The following PLCB1 variants were observed in gnomAD, a reference collection of about 807,000 sequenced individuals.
The protein encoded by PLCB1 is phospholipase C beta 1.
A neutral mutation model predicts 161.8 loss-of-function variants in PLCB1; 46 were observed. The ratio of observed to expected loss-of-function variants is 0.28; its 90% CI spans 0.22 to 0.36. PLCB1 has a LOEUF of 0.36. PLCB1 is among the 10% of genes least tolerant of loss of function. The pLI, the probability that PLCB1 is intolerant of heterozygous loss-of-function variation, is 1.00. For synonymous variants in PLCB1, 517 were observed against 503.7 expected (o/e 1.03, Z -0.35); for missense variants, 1,016 against 1,472.5 (o/e 0.69, Z 5.07).
chr20:8,410,872 G>A (rs1979013020), intron 3 of PLCB1, among the ~76,000 whole-genome samples: 1 of 152,154 alleles, frequency 6.6e-6, no homozygotes, highest in Admixed American at 6.5e-5. Context: ...CACAGACAGA[G>A]GAGGAGGAGG....
At chr20:8,158,185 G>A (rs543906855) in intron 2 of PLCB1, among the ~76,000 whole-genome samples, 7 of 152,280 alleles carry the variant, frequency 4.6e-5, no homozygotes, top group East Asian at 1.9e-4. Context: ...TTCCTGTTAC[G>A]GAGAAAATTC....
intron 4 of PLCB1, among the ~76,000 whole-genome samples, chr20:8,628,823 A>C (rs1357246147): frequency 6.6e-6 from 1 of 152,060 alleles, no homozygotes; most frequent in Non-Finnish European, 1.5e-5. Flanking sequence ...AATCCCAGCT[A>C]ATTGGGAGGC....
At chr20:8,332,068 A>G (rs2745780) in intron 2 of PLCB1, among the ~76,000 whole-genome samples, 2,248 of 152,138 alleles carry the variant, frequency 0.015, 52 homozygotes, top group African/African-American at 0.05. Context: ...TTCTTAAGAG[A>G]CTCTAGAATT....
At chr20:8,208,203 G>T (rs1161490900) in intron 2 of PLCB1, among the ~76,000 whole-genome samples, 2 of 151,956 alleles carry the variant, frequency 1.3e-5, no homozygotes, top group Non-Finnish European at 1.5e-5. Flanking sequence ...CTATTCTGGG[G>T]CCCCAGTGAA....
intron 2 of PLCB1, among the ~76,000 whole-genome samples, chr20:8,365,836 C>A (rs566547835): frequency 6.6e-6 from 1 of 152,116 alleles, no homozygotes; most frequent in Non-Finnish European, 1.5e-5. Flanking sequence ...ACTGTAATTG[C>A]TGTTCTGATT....
chr20:8,220,309 C>T (rs116582586), intron 2 of PLCB1, among the ~76,000 whole-genome samples: 1,852 of 152,192 alleles, frequency 0.012, 43 homozygotes, highest in African/African-American at 0.042. Context: ...ACAAAAACAA[C>T]AGAATCAGAT....
At chr20:8,721,244 C>G (rs1979614413) in intron 14 of PLCB1, among the ~76,000 whole-genome samples, 2 of 152,188 alleles carry the variant, frequency 1.3e-5, no homozygotes, top group Non-Finnish European at 2.9e-5. Flanking sequence ...AGCTAACTTT[C>G]AGAAGGCTGG....
At chr20:8,739,183 G>T in intron 20 of PLCB1, 78 bp from the exon 21 acceptor site, 4 of 908,508 alleles carry the variant, frequency 4.4e-6, no homozygotes, top group Non-Finnish European at 7.4e-6. Flanking sequence ...AGCTAGTCCT[G>T]ATTGAATAAT....
chr20:8,510,431 A>C (rs1048447441), intron 3 of PLCB1, among the ~76,000 whole-genome samples: 4 of 140,366 alleles, frequency 2.8e-5, no homozygotes, highest in Admixed American at 2.3e-4. Flanking sequence ...TGTTGCCCAG[A>C]CTGGAGTGCA....
intron 31 of PLCB1, among the ~76,000 whole-genome samples, chr20:8,835,424 G>A (rs1226548852): frequency 6.6e-6 from 1 of 150,580 alleles, no homozygotes; most frequent in African/African-American, 2.4e-5. Flanking sequence ...TTTTTTTTCT[G>A]GTTATACCCA....
chr20:8,650,237 G>T (rs1268385462), intron 7 of PLCB1, among the ~76,000 whole-genome samples: 2 of 152,006 alleles, frequency 1.3e-5, no homozygotes, highest in Non-Finnish European at 2.9e-5. Flanking sequence ...TGGTGGTGGG[G>T]TATGAACACC....
chr20:8,636,905 C>G lies in PLCB1; in HGVS notation c.384+8474C>G, dbSNP rs1208108306. On this transcript the variant is annotated intron_variant, in intron 4 of 31. Coordinates refer to ENST00000338037, the MANE Select transcript of PLCB1 (RefSeq NM_015192.4). ...AGCATCTCTTCTTTCCTTCCATCCACTCCATTGCAGAGACAAGCTACTCTT... is the reference window on the plus strand; with the variant it reads ...AGCATCTCTTCTTTCCTTCCATCCAGTCCATTGCAGAGACAAGCTACTCTT... Among the ~76,000 whole-genome samples the G allele has an allele frequency of 2.0e-5, 3 of 152,146 alleles. No individual in the cohort carries two copies. The East Asian group carries it at 5.8e-4, about 29-fold the overall frequency.
At chr20:8,420,487 T>G (rs1013868073) in intron 3 of PLCB1, among the ~76,000 whole-genome samples, 1 of 152,184 alleles carries the variant, frequency 6.6e-6, no homozygotes, top group African/African-American at 2.4e-5. Context: ...ATGGCCCAGA[T>G]AGTGAACACA....
chr20:8,401,390 C>T (rs573700848), intron 3 of PLCB1, among the ~76,000 whole-genome samples: 2 of 152,228 alleles, frequency 1.3e-5, no homozygotes, highest in South Asian at 4.2e-4. Context: ...AACAGAGCAC[C>T]GCTTGGAATA....
At chr20:8,847,050 G>C (rs1400983283) in intron 31 of PLCB1, among the ~76,000 whole-genome samples, 2 of 152,168 alleles carry the variant, frequency 1.3e-5, no homozygotes, top group African/African-American at 4.8e-5. Flanking sequence ...CAAAGATCTT[G>C]ATATGGTCAT....
chr20:8,855,464 C>T (rs376357347), intron 31 of PLCB1, among the ~76,000 whole-genome samples: 6 of 152,234 alleles, frequency 3.9e-5, no homozygotes, highest in African/African-American at 9.6e-5. Flanking sequence ...CCCAGGATTC[C>T]CTCCAAATTC....
rs71331309 is a variant in PLCB1 at position 8,496,329 on chromosome 20, C to CAAAAA, written c.246+124895_246+124899dup. Among the ~76,000 whole-genome samples the CAAAAA allele has an allele frequency of 1.8e-3, 169 of 91,968 alleles. 2 individuals carry two copies. The highest frequency in any genetic ancestry group is 5.1e-3 in the African/African-American group (139 of 27,010). 60.3% of individuals were successfully genotyped at this position (91,968 alleles called of 152,430 possible). A position where few individuals can be genotyped will look rare whatever the true frequency, so the allele number is the denominator to read the frequency against. On this transcript the variant is annotated intron_variant, in intron 3 of 31. Transcript: ENST00000338037. ...GCAACATGGCAAGACCCCATCTCTG[C>CAAAAA]AAAAAAAAAAAAAAAAAAAATACAA...
At chr20:8,259,564 C>T (rs1485125805) in intron 2 of PLCB1, among the ~76,000 whole-genome samples, 1 of 151,916 alleles carries the variant, frequency 6.6e-6, no homozygotes. Flanking sequence ...TGGTGTGATC[C>T]AAGATCACAC....
intron 3 of PLCB1, among the ~76,000 whole-genome samples, chr20:8,524,641 T>G (rs1423306331): frequency 1.3e-5 from 2 of 152,146 alleles, no homozygotes; most frequent in East Asian, 3.8e-4. Flanking sequence ...GATGAGGCAA[T>G]TAAGAAGTAA....
Sources: allele counts gnomAD v4.1 joint callset (sites outside exome capture counted in the v4.1 genomes callset), GRCh38; gene constraint gnomAD v4.1.1; transcripts MANE v1.5; gene names NCBI Gene and HGNC (gene_info 2026-07-23, HGNC 2026-07-21).